The following MCC variants were observed in gnomAD, a reference collection of about 807,000 sequenced individuals.
MCC encodes the protein MCC regulator of Wnt signaling pathway.
MCC carries 90 observed loss-of-function variants against 116.2 expected under a neutral mutation model. The observed-to-expected ratio is 0.77, with a 90% CI of 0.65 to 0.92. The LOEUF (loss-of-function observed/expected upper bound fraction) is 0.92. Ranked by LOEUF, MCC falls within the 40% of genes least tolerant of loss-of-function variation. The pLI, the probability that MCC is intolerant of heterozygous loss-of-function variation, is 0.00. For missense variants in MCC, 1,516 were observed against 1,312.2 expected, an observed-to-expected ratio of 1.16 and a Z score of -2.40; for synonymous variants, 578 against 510.5, an observed-to-expected ratio of 1.13 and a Z score of -1.78.
rs76488836 is a variant in MCC, at chr5:113,379,428, C to T, written c.415+5540G>A. ...TAGGAACTTTACATGTAATATCTCA[C>T]TAAATCTTTCCAACTTCCCTATAAT... On this transcript the variant is annotated intron_variant, in intron 2 of 18. Transcript: ENST00000408903. Among the ~76,000 whole-genome samples, 895 of 152,310 alleles carry T rather than the reference C, an allele frequency of 5.9e-3. 9 individuals carry two copies. The highest frequency in any genetic ancestry group is 0.021 in the African/African-American group (857 of 41,564).
chr5:113,414,587 C>T (rs1475562593), intron 1 of MCC, among the ~76,000 whole-genome samples: 1 of 152,064 alleles, frequency 6.6e-6, no homozygotes, highest in Non-Finnish European at 1.5e-5. Context: ...AGAATTGCAA[C>T]CCCTGCTTTT....
At chr5:113,351,212 T>C (rs1437788847) in intron 2 of MCC, among the ~76,000 whole-genome samples, 3 of 150,890 alleles carry the variant, frequency 2.0e-5, no homozygotes, top group Non-Finnish European at 4.4e-5. Context: ...AGGAAATCAG[T>C]ATATTGAAAG....
At chr5:113,409,420 C>CGCGT (rs1018317180) in intron 1 of MCC, among the ~76,000 whole-genome samples, 2 of 151,974 alleles carry the variant, frequency 1.3e-5, no homozygotes, top group Non-Finnish European at 2.9e-5. Context: ...GGTGTGATCA[C>CGCGT]GGCTCACTGC....
intron 1 of MCC, among the ~76,000 whole-genome samples, chr5:113,441,508 C>G (rs1771040802): frequency 6.8e-6 from 1 of 147,576 alleles, no homozygotes; most frequent in Non-Finnish European, 1.5e-5. Flanking sequence ...TTTTGTACAG[C>G]ACTTTTTTAT....
At chr5:113,435,750 G>A (rs929174609) in intron 1 of MCC, 3 of 152,384 alleles carry the variant, frequency 2.0e-5, no homozygotes, top group Non-Finnish European at 2.9e-5. Flanking sequence ...GCTGGCAGGA[G>A]TTCTGCTCTT....
intron 8 of MCC, among the ~76,000 whole-genome samples, chr5:113,100,292 G>A (rs1052962965): frequency 9.2e-5 from 14 of 151,908 alleles, no homozygotes; most frequent in African/African-American, 2.4e-4. Context: ...AATTTCTTCC[G>A]TTTTATATAA....
chr5:113,036,070 C>T (rs1023060386), intron 17 of MCC, among the ~76,000 whole-genome samples: 26 of 111,826 alleles, frequency 2.3e-4, no homozygotes, highest in African/African-American at 8.9e-4. Flanking sequence ...GAGTCTCACT[C>T]TTTCGCCCGG....
At chr5:113,254,582 A>G (rs1340663146) in intron 3 of MCC, among the ~76,000 whole-genome samples, 1 of 152,232 alleles carries the variant, frequency 6.6e-6, no homozygotes, top group Non-Finnish European at 1.5e-5. Flanking sequence ...TACGTAAAGC[A>G]AACAAAAGTA....
At chr5:113,488,132 G>T in intron 1 of MCC, 113 bp downstream of exon 1, 1 of 1,126,700 alleles carries the variant, frequency 8.9e-7, no homozygotes, top group Non-Finnish European at 1.2e-6. Context: ...AACTTTTCCC[G>T]CGAGCTTCTG....
intron 1 of MCC, chr5:113,435,832 T>TG (rs1245264490): frequency 1.3e-5 from 2 of 153,006 alleles, no homozygotes; most frequent in Non-Finnish European, 2.9e-5. Context: ...TATCTGGGGC[T>TG]GGGGGCTGAA....
chr5:113,455,941 A>G (rs1771530226), intron 1 of MCC, among the ~76,000 whole-genome samples: 1 of 152,220 alleles, frequency 6.6e-6, no homozygotes, highest in South Asian at 2.1e-4. Flanking sequence ...AGAAAGGGTA[A>G]ATAAACTGAC....
At chr5:113,079,290 G>T (rs988519041) in intron 11 of MCC, among the ~76,000 whole-genome samples, 1 of 152,138 alleles carries the variant, frequency 6.6e-6, no homozygotes, top group African/African-American at 2.4e-5. Context: ...ATTCTTCACA[G>T]AATTGGAAAA....
chr5:113,230,158 G>A (rs1331823049), intron 3 of MCC, among the ~76,000 whole-genome samples: 1 of 152,060 alleles, frequency 6.6e-6, no homozygotes, highest in Non-Finnish European at 1.5e-5. Context: ...ACAAAATTAG[G>A]GCAGCAGTAA....
intron 1 of MCC, among the ~76,000 whole-genome samples, chr5:113,422,427 TAA>T (rs1396719045): frequency 6.6e-6 from 1 of 151,470 alleles, no homozygotes; most frequent in Non-Finnish European, 1.5e-5. Context: ...GATTTAATTT[TAA>T]GTTATTTTTG....
At chr5:113,045,942 T>C (rs1480907052) in intron 16 of MCC, among the ~76,000 whole-genome samples, 1 of 152,196 alleles carries the variant, frequency 6.6e-6, no homozygotes, top group Non-Finnish European at 1.5e-5. Flanking sequence ...CCACAAGCTC[T>C]ACAACATTCA....
chr5:113,275,673 G>A (rs142115178), intron 3 of MCC, among the ~76,000 whole-genome samples: 113 of 152,158 alleles, frequency 7.4e-4, no homozygotes, highest in African/African-American at 2.7e-3. Context: ...TACAAATAAA[G>A]AAACAAGACA....
At chr5:113,261,450 C>T (rs998572255) in intron 3 of MCC, among the ~76,000 whole-genome samples, 1 of 152,140 alleles carries the variant, frequency 6.6e-6, no homozygotes, top group Non-Finnish European at 1.5e-5. Context: ...AGCTGTGCTT[C>T]AAGAAGTTTG....
At chr5:113,335,225 C>A (rs1030712362) in intron 3 of MCC, among the ~76,000 whole-genome samples, 1 of 151,638 alleles carries the variant, frequency 6.6e-6, no homozygotes, top group Non-Finnish European at 1.5e-5. Flanking sequence ...AAAAGCAATT[C>A]AAGAATACAT....
intron 3 of MCC, among the ~76,000 whole-genome samples, chr5:113,297,427 G>A (rs187023194): frequency 2.1e-4 from 32 of 152,034 alleles, no homozygotes; most frequent in Non-Finnish European, 4.3e-4. Flanking sequence ...TTAGCTGGGC[G>A]TGGTGGCAGG....
Sources: gnomAD v4.1 joint callset for allele counts (sites outside exome capture counted in the v4.1 genomes callset) on GRCh38, gnomAD v4.1.1 for gene constraint, MANE v1.5 for transcripts, NCBI Gene and HGNC (gene_info 2026-07-23, HGNC 2026-07-21) for gene names.